Variants in SEC23A observed in about 807,000 individuals in gnomAD.
SEC23A encodes SEC23 homolog A, COPII component.
Under a neutral mutation model 103.7 loss-of-function variants are expected in SEC23A, and 56 were observed. The ratio of observed to expected loss-of-function variants is 0.54; its 90% CI spans 0.44 to 0.67. The LOEUF is 0.67. Ranked by LOEUF, SEC23A falls within the 30% of genes least tolerant of loss-of-function variation. The pLI is 0.00. For synonymous variants in SEC23A, 281 were observed against 293.0 expected (o/e 0.96, Z 0.42); for missense variants, 784 against 936.4 (o/e 0.84, Z 2.12).
At chr14:39,048,073 G>A (rs563525496) in intron 15 of SEC23A, among the ~76,000 whole-genome samples, 1 of 152,200 alleles carries the variant, frequency 6.6e-6, no homozygotes, top group Admixed American at 6.5e-5. Flanking sequence ...ATGTCAAATG[G>A]AAAACTAACC....
At chr14:39,076,630 A>G (rs1887032810) in intron 7 of SEC23A, among the ~76,000 whole-genome samples, 1 of 151,314 alleles carries the variant, frequency 6.6e-6, no homozygotes, top group Admixed American at 6.6e-5. Flanking sequence ...GTATCATAGA[A>G]CAACAAAAAA....
At chr14:39,040,420 T>C (rs1434953955) in intron 18 of SEC23A, 1 of 335,618 alleles carries the variant, frequency 3.0e-6, no homozygotes, top group Non-Finnish European at 5.5e-6. Flanking sequence ...AGTATATTAC[T>C]TTCCAAGCTG....
At chr14:39,094,819 T>A in intron 2 of SEC23A, 3 of 578,724 alleles carry the variant, frequency 5.2e-6, no homozygotes, top group Non-Finnish European at 9.1e-6. Flanking sequence ...GGTTAAGGTA[T>A]TATGTAGATG....
intron 1 of SEC23A, among the ~76,000 whole-genome samples, chr14:39,099,662 A>G (rs972250370): frequency 3.3e-5 from 5 of 152,208 alleles, no homozygotes; most frequent in Non-Finnish European, 4.4e-5. Flanking sequence ...AATATCACAC[A>G]TGGGTAGATG....
At chr14:39,083,896 T>C (rs1594475032) in intron 7 of SEC23A, among the ~76,000 whole-genome samples, 1 of 151,966 alleles carries the variant, frequency 6.6e-6, no homozygotes, top group South Asian at 2.1e-4. Flanking sequence ...ATTGAGACTA[T>C]CTCAGATATT....
chr14:39,065,141 A>C, intron 10 of SEC23A, 148 bp from the exon 11 acceptor site: 1 of 690,728 alleles, frequency 1.4e-6, no homozygotes, highest in Non-Finnish European at 2.6e-6. Flanking sequence ...TCAATCAATA[A>C]GCACTTCTAT....
intron 9 of SEC23A, among the ~76,000 whole-genome samples, chr14:39,071,551 A>T (rs1886840768): frequency 6.6e-6 from 1 of 150,590 alleles, no homozygotes; most frequent in Non-Finnish European, 1.5e-5. Flanking sequence ...TCTGTCTCAA[A>T]ATTTAAAAAT....
intron 9 of SEC23A, among the ~76,000 whole-genome samples, chr14:39,072,686 T>C (rs1292245426): frequency 6.6e-6 from 1 of 152,134 alleles, no homozygotes; most frequent in African/African-American, 2.4e-5. Flanking sequence ...TGGTAGCATG[T>C]GCCTGTAGTC....
At chr14:39,039,269 CAAAT>C (rs1337856887) in intron 18 of SEC23A, 173 bp from the exon 19 acceptor site, 8 of 584,930 alleles carry the variant, frequency 1.4e-5, no homozygotes, top group Non-Finnish European at 2.4e-5. Flanking sequence ...CTAAGTGTTA[CAAAT>C]AAATAATAAA....
At chr14:39,086,379 C>T (rs1887445088) in intron 6 of SEC23A, among the ~76,000 whole-genome samples, 1 of 152,100 alleles carries the variant, frequency 6.6e-6, no homozygotes, top group South Asian at 2.1e-4. Flanking sequence ...TGGCTCACAC[C>T]TGTAATCCCA....
intron 1 of SEC23A, among the ~76,000 whole-genome samples, chr14:39,096,544 A>G (rs1479901889): frequency 6.6e-6 from 1 of 150,430 alleles, no homozygotes; most frequent in African/African-American, 2.4e-5. Context: ...AAAAAAAAAA[A>G]TCAGGACCAA....
intron 15 of SEC23A, among the ~76,000 whole-genome samples, chr14:39,048,103 C>T (rs1231535804): frequency 6.6e-6 from 1 of 152,120 alleles, no homozygotes; most frequent in Non-Finnish European, 1.5e-5. Context: ...TGTAATTCTA[C>T]CCACTGCAGG....
chr14:39,045,289 T>C lies in SEC23A; in HGVS notation c.1773A>G (p.Gln591=), dbSNP rs1782969912. The change falls in exon 16 of 20, where the codon CAA becomes CAG. Residue 591 remains glutamine (Q), a synonymous_variant. Transcript: ENST00000307712. ...TCTCATCAGGACTATTGTTAAAAAC[T>C]TGCAGGAAAGAAGATCTTCTTAAAT... ...MFHLRRSSFL[Q]VFNNSPDESS... 1.1e-5 allele frequency: 17 copies of C among 1,611,220 alleles called. No individual in the cohort carries two copies. The highest frequency in any genetic ancestry group is 1.4e-5 in the Non-Finnish European group (16 of 1,177,700).
chr14:39,064,603 G>A (rs1886593747), intron 11 of SEC23A: 1 of 276,042 alleles, frequency 3.6e-6, no homozygotes, highest in African/African-American at 2.1e-5. Flanking sequence ...TGCAGAAAGA[G>A]CAACCATGAA....
intron 9 of SEC23A, among the ~76,000 whole-genome samples, chr14:39,067,535 TAA>T (rs11322514): frequency 5.9e-5 from 9 of 151,894 alleles, no homozygotes; most frequent in African/African-American, 1.9e-4. Flanking sequence ...CTTGGTAATT[TAA>T]AAAAAAATTC....
At chr14:39,063,489 A>G (rs1886548166) in intron 11 of SEC23A, 76 bp from the exon 12 acceptor site, 2 of 945,042 alleles carry the variant, frequency 2.1e-6, no homozygotes, top group Admixed American at 4.3e-5. Context: ...GAAAATGGAA[A>G]AAGACCACAG....
intron 5 of SEC23A, among the ~76,000 whole-genome samples, chr14:39,089,764 CT>C (rs779238217): frequency 8.5e-5 from 13 of 152,194 alleles, no homozygotes; most frequent in Non-Finnish European, 1.5e-4. Flanking sequence ...CAAGACCAGC[CT>C]GGCCAACATA....
intron 4 of SEC23A, among the ~76,000 whole-genome samples, 162 bp downstream of exon 4, chr14:39,092,378 AG>A (rs1227267126): frequency 5.9e-5 from 9 of 152,228 alleles, no homozygotes; most frequent in African/African-American, 2.2e-4. Flanking sequence ...AGTACAACAT[AG>A]GAATTACCCT....
At chr14:39,039,404 A>G (rs1182408475) in intron 18 of SEC23A, 1 of 283,274 alleles carries the variant, frequency 3.5e-6, no homozygotes, top group Admixed American at 5.0e-5. Flanking sequence ...ATTACTAAAC[A>G]CTTGGTCAGA....
Sources: gnomAD v4.1 joint callset for allele counts (sites outside exome capture counted in the v4.1 genomes callset) on GRCh38, gnomAD v4.1.1 for gene constraint, MANE v1.5 for transcripts, NCBI Gene and HGNC (gene_info 2026-07-23, HGNC 2026-07-21) for gene names.